The following RGS9 variants were observed in gnomAD, a reference collection of about 807,000 sequenced individuals.
The protein encoded by RGS9 is regulator of G-protein signalling 9.
Under a neutral mutation model 102.0 loss-of-function variants are expected in RGS9, and 78 were observed. The ratio of observed to expected loss-of-function variants is 0.76; its 90% confidence interval spans 0.64 to 0.92. RGS9 has a LOEUF of 0.92. Ranked by LOEUF, RGS9 falls within the 40% of genes least tolerant of loss-of-function variation. The pLI, the probability that RGS9 is intolerant of heterozygous loss-of-function variation, is 0.00. For synonymous variants in RGS9, 353 were observed against 318.6 expected (o/e 1.11, Z -1.15); for missense variants, 833 against 866.1 (o/e 0.96, Z 0.48).
At chr17:65,148,842 C>T (rs1290633927) in intron 1 of RGS9, among the ~76,000 whole-genome samples, 1 of 152,186 alleles carries the variant, frequency 6.6e-6, no homozygotes, top group Non-Finnish European at 1.5e-5. Flanking sequence ...GCTACCATGT[C>T]TGACTTGCAA....
In RGS9 at chr17:65,213,252, A is replaced by G. The variant is rs571906990; in HGVS notation, c.1407+2647A>G. Among the ~76,000 whole-genome samples the G allele has an allele frequency of 2.2e-4, 33 of 152,336 alleles. No individual in the cohort carries two copies. The South Asian group carries it at 5.4e-3, about 25-fold the overall frequency. On this transcript the variant is annotated intron_variant, in intron 17 of 18. Transcript: ENST00000262406. Reference sequence around the variant, plus strand: ...GTTTCACATTAAAATAATCATGAAAATATTATGAAATAGAATGTAAAATGT... The same window carrying G: ...GTTTCACATTAAAATAATCATGAAAGTATTATGAAATAGAATGTAAAATGT...
At chr17:65,162,433 A>G (rs1292691191) in intron 6 of RGS9, among the ~76,000 whole-genome samples, 1 of 152,072 alleles carries the variant, frequency 6.6e-6, no homozygotes, top group Admixed American at 6.5e-5. Context: ...CTCTCTTCCT[A>G]ATCAGATTTG....
intron 2 of RGS9, among the ~76,000 whole-genome samples, chr17:65,157,538 G>A (rs1390198878): frequency 1.3e-5 from 2 of 151,928 alleles, no homozygotes; most frequent in African/African-American, 4.8e-5. Flanking sequence ...TGGCCTCTGA[G>A]CCCGCCTCTC....
intron 14 of RGS9, among the ~76,000 whole-genome samples, chr17:65,203,453 G>C (rs1179202665): frequency 2.0e-5 from 3 of 152,142 alleles, no homozygotes. Context: ...CCTTCCCCAG[G>C]CTCCCTGGTT....
intron 1 of RGS9, among the ~76,000 whole-genome samples, chr17:65,145,092 ATTT>A (rs1209176443): frequency 6.6e-6 from 1 of 151,734 alleles, no homozygotes; most frequent in Non-Finnish European, 1.5e-5. Context: ...GCTTTATTTT[ATTT>A]TTTTATTTTT....
chr17:65,150,585 GCA>G (rs1910540599), intron 1 of RGS9, among the ~76,000 whole-genome samples: 1 of 152,116 alleles, frequency 6.6e-6, no homozygotes, highest in African/African-American at 2.4e-5. Flanking sequence ...TCATGCCACT[GCA>G]CTCCAGCCTG....
intron 6 of RGS9, among the ~76,000 whole-genome samples, chr17:65,161,783 A>C (rs1278081401): frequency 1.3e-5 from 2 of 151,850 alleles, no homozygotes; most frequent in Admixed American, 6.6e-5. Context: ...ATAGTGGTGC[A>C]GTCTCGGCTC....
At position 65,155,042 on chromosome 17, in the gene RGS9, C is replaced by T. The variant is rs577586388; in HGVS notation, c.154+1524C>T. 1.4e-4 allele frequency among the ~76,000 whole-genome samples: 22 copies of T among 152,350 alleles called. No individual in the cohort carries two copies. The East Asian group carries it at 4.0e-3, about 28-fold the overall frequency. ...TTGCATGCAAGCAACAGAAGACCCA[C>T]TCTTTTGTTGGAGCAAAAGGGGAAG... On this transcript the variant is annotated intron_variant, in intron 2 of 18. Coordinates refer to ENST00000262406, the MANE Select transcript of RGS9 (RefSeq NM_003835.4).
At chr17:65,199,488 CTTTTTTTTTTTT>C (rs3034101) in intron 13 of RGS9, among the ~76,000 whole-genome samples, 195 of 108,346 alleles carry the variant, frequency 1.8e-3, no homozygotes, top group African/African-American at 6.5e-3. Flanking sequence ...GCTTCTGTTC[CTTTTTTTTTTTT>C]TTTTTTTTTT....
At chr17:65,182,659 T>C (rs1221273144) in intron 9 of RGS9, among the ~76,000 whole-genome samples, 3 of 152,228 alleles carry the variant, frequency 2.0e-5, no homozygotes, top group African/African-American at 4.8e-5. Flanking sequence ...TAGAGAGACA[T>C]AGCCGTTTGC....
chr17:65,202,408 GGTGTGTGTGTGT>G (rs746368093), intron 14 of RGS9, among the ~76,000 whole-genome samples: 2 of 132,268 alleles, frequency 1.5e-5, no homozygotes, highest in Admixed American at 7.5e-5. Flanking sequence ...TGTCCTGAGG[GGTGTGTGTGTGT>G]GTGTGTGTGT....
In RGS9 at chr17:65,153,547, C is replaced by T. The variant is rs765514987; in HGVS notation, c.154+29C>T. ...ATGTAGCTTGCACTTTAGTCTTGGC[C>T]TGGAATAGACCCCACAGGCCCAATA... On this transcript the variant is annotated intron_variant, in intron 2 of 18. Coordinates refer to ENST00000262406, the MANE Select transcript of RGS9 (RefSeq NM_003835.4). 5 of 1,554,862 alleles carry T rather than the reference C, an allele frequency of 3.2e-6. No homozygotes were observed. The African/African-American group carries it at 6.8e-5, about 21-fold the overall frequency.
At chr17:65,217,841 T>G (rs1913570531) in intron 17 of RGS9, among the ~76,000 whole-genome samples, 1 of 152,108 alleles carries the variant, frequency 6.6e-6, no homozygotes, top group South Asian at 2.1e-4. Context: ...ATGTTGCAAC[T>G]CAGAGAGATT....
chr17:65,220,785 G>T (rs540358268), intron 17 of RGS9, among the ~76,000 whole-genome samples: 2 of 152,354 alleles, frequency 1.3e-5, no homozygotes, highest in Non-Finnish European at 2.9e-5. Flanking sequence ...TCATTAAAAT[G>T]CCTGTGATTG....
At chr17:65,214,402 A>T (rs1418557702) in intron 17 of RGS9, among the ~76,000 whole-genome samples, 1 of 152,264 alleles carries the variant, frequency 6.6e-6, no homozygotes, top group South Asian at 2.1e-4. Flanking sequence ...CGGAGGCAGG[A>T]TGCAGTCGAG....
intron 9 of RGS9, among the ~76,000 whole-genome samples, chr17:65,186,166 A>ATTTTGGTTTACAT (rs1912110793): frequency 5.8e-5 from 5 of 85,560 alleles, no homozygotes; most frequent in Non-Finnish European, 1.1e-4. Context: ...TTTACATTTT[A>ATTTTGGTTTACAT]TTTATTTATT....
chr17:65,166,165 G>A lies in RGS9; in HGVS notation c.501-2035G>A, dbSNP rs189259432. Among the ~76,000 whole-genome samples, 83 of 152,330 alleles carry A rather than the reference G, an allele frequency of 5.4e-4. 1 individual carries two copies. Among genetic ancestry groups the A allele is most frequent in the African/African-American group, 1.9e-3 (79 of 41,568 alleles). ...AAGACCACATATTCCAGTAAGGAGG[G>A]TGACTGCTGTCCCACCTTTTATGGC... On this transcript the variant is annotated intron_variant, in intron 7 of 18. Transcript: ENST00000262406.
At chr17:65,140,768 G>A (rs1342369672) in intron 1 of RGS9, among the ~76,000 whole-genome samples, 1 of 152,120 alleles carries the variant, frequency 6.6e-6, no homozygotes, top group Non-Finnish European at 1.5e-5. Context: ...CCAGCTACTT[G>A]GGAGGCTGAG....
chr17:65,139,512 C>T (rs1567855180), intron 1 of RGS9, among the ~76,000 whole-genome samples: 1 of 151,138 alleles, frequency 6.6e-6, no homozygotes, highest in Non-Finnish European at 1.5e-5. Flanking sequence ...GCCACAGGCA[C>T]CCCTGGGCTC....
Sources: allele counts gnomAD v4.1 joint callset (sites outside exome capture counted in the v4.1 genomes callset), GRCh38; gene constraint gnomAD v4.1.1; transcripts MANE v1.5; gene names NCBI Gene and HGNC (gene_info 2026-07-23, HGNC 2026-07-21).